SEPTIN2: variants seen among roughly 807,000 people sequenced by gnomAD.
SEPTIN2 encodes septin-2.
In SEPTIN2, 34 loss-of-function variants were observed where a neutral mutation model predicts 46.5. The observed-to-expected ratio is 0.73, with a 90% CI of 0.56 to 0.97. The LOEUF is 0.97. Ranked by LOEUF, SEPTIN2 falls within the 50% of genes least tolerant of loss-of-function variation. The pLI, the probability that SEPTIN2 is intolerant of heterozygous loss-of-function variation, is 0.00. For missense variants in SEPTIN2, 347 were observed against 448.4 expected, an observed-to-expected ratio of 0.77 and a Z score of 2.04; for synonymous variants, 175 against 153.4, an observed-to-expected ratio of 1.14 and a Z score of -1.04.
At chr2:241,334,993 G>A in intron 3 of SEPTIN2, 133 bp from the exon 4 acceptor site, 1 of 636,648 alleles carries the variant, frequency 1.6e-6, no homozygotes, top group South Asian at 1.9e-5. Flanking sequence ...AAACATAGTA[G>A]TACTGTAGGT....
rs1303638833 is a variant in SEPTIN2, at chr2:241,321,087, C to CT, written c.-17-3121dup. Among the ~76,000 whole-genome samples the CT allele has an allele frequency of 1.4e-4, 21 of 151,826 alleles. No homozygotes were observed. In the South Asian group the frequency reaches 3.8e-3, roughly 27 times the overall value. ...AAATGTTTTTCAAATTTTGTTTAGG[C>CT]TTTTTTTTATGGTAGATACATGACT... On this transcript the variant is annotated intron_variant, in intron 1 of 12. Transcript: ENST00000391971.
chr2:241,338,811 T>TTTATATTATTTATATATAATATATA (rs2080665762), intron 7 of SEPTIN2, among the ~76,000 whole-genome samples: 1 of 108,792 alleles, frequency 9.2e-6, no homozygotes, highest in Non-Finnish European at 1.7e-5. Context: ...ACATATTATA[T>TTTATATTATTTATATATAATATATA]TTATATTATT....
At chr2:241,322,947 G>GA (rs921775297) in intron 1 of SEPTIN2, among the ~76,000 whole-genome samples, 2 of 151,782 alleles carry the variant, frequency 1.3e-5, no homozygotes, top group African/African-American at 2.4e-5. Flanking sequence ...AGTCAGTACT[G>GA]AAAAAAAATT....
intron 1 of SEPTIN2, chr2:241,317,125 G>A (rs2076448126): frequency 6.6e-6 from 1 of 152,200 alleles, no homozygotes; most frequent in Admixed American, 6.5e-5. Flanking sequence ...AAAACATCAT[G>A]GTGTAGGGGT....
At chr2:241,317,708 C>T (rs372813909) in intron 1 of SEPTIN2, 5 of 234,556 alleles carry the variant, frequency 2.1e-5, no homozygotes, top group Non-Finnish European at 3.5e-5. Context: ...GGACCTTCCC[C>T]GAATCCAAAG....
intron 3 of SEPTIN2, among the ~76,000 whole-genome samples, chr2:241,334,607 G>A (rs2079594576): frequency 6.6e-6 from 1 of 152,172 alleles, no homozygotes; most frequent in South Asian, 2.1e-4. Context: ...GGCAGAAGGG[G>A]GAGGTTGCAG....
chr2:241,343,199 G>C, intron 8 of SEPTIN2, 106 bp downstream of exon 8: 1 of 714,724 alleles, frequency 1.4e-6, no homozygotes, highest in Non-Finnish European at 2.4e-6. Flanking sequence ...GAGTATTTTT[G>C]CTTTCAATAT....
At chr2:241,331,015 T>C (rs1385285297) in intron 3 of SEPTIN2, among the ~76,000 whole-genome samples, 6 of 152,108 alleles carry the variant, frequency 3.9e-5, no homozygotes, top group Non-Finnish European at 7.4e-5. Context: ...TTAGTACTTT[T>C]GTAAAGTACT....
At position 241,346,243 on chromosome 2, in the gene SEPTIN2, G is replaced by A; in HGVS notation, c.920G>A (p.Gly307Asp). ...ENFRSERLKR[G>D]GRKVENEDMN... ...TTCCGTTCTGAGAGACTCAAGAGAG[G>A]CGGCAGGTCATCACACTGTGCCCCT... is the stretch of plus-strand genomic sequence containing the variant. The change falls in exon 10 of 13, where the codon GGC becomes GAC. Residue 307 changes from glycine (G) to aspartate (D), a missense_variant. Gly to Asp is a moderately conservative substitution (Grantham distance 94). Transcript: ENST00000391971. The A allele has an allele frequency of 6.2e-7, 1 of 1,613,668 alleles. No homozygotes were observed. Among genetic ancestry groups the A allele is most frequent in the South Asian group, 1.1e-5 (1 of 91,050 alleles).
intron 3 of SEPTIN2, among the ~76,000 whole-genome samples, chr2:241,329,944 T>C (rs1400666492): frequency 6.6e-6 from 1 of 152,244 alleles, no homozygotes; most frequent in Admixed American, 6.5e-5. Context: ...TTGTGCGAGC[T>C]AAGAACATAA....
chr2:241,336,040 C>G lies in SEPTIN2; in HGVS notation c.283C>G (p.Leu95Val). 6.2e-7 allele frequency: 1 copy of G among 1,614,172 alleles called. No homozygotes were observed. Among genetic ancestry groups the G allele is most frequent in the South Asian group, 1.1e-5 (1 of 91,086 alleles). Residue 95 changes from leucine to valine, a missense_variant, in exon 5 of 13, where the codon CTA becomes GTA. Physicochemically the swap from Leu to Val is conservative, Grantham distance 32. Coordinates refer to ENST00000391971, the MANE Select transcript of SEPTIN2 (RefSeq NM_004404.5). ...TGAAATTGAAGAGCGAGGGGTCAAG[C>G]TACGCCTGACAGTGGTAGATACCCC... Reference protein sequence around the residue: ...TVEIEERGVKLRLTVVDTPGY... With the variant: ...TVEIEERGVKVRLTVVDTPGY...
chr2:241,317,447 C>T, intron 1 of SEPTIN2: 1 of 720,590 alleles, frequency 1.4e-6, no homozygotes. Flanking sequence ...CCAGGGTTTC[C>T]CTCTATCATT....
At chr2:241,319,931 G>A (rs2076902654) in intron 1 of SEPTIN2, among the ~76,000 whole-genome samples, 1 of 152,162 alleles carries the variant, frequency 6.6e-6, no homozygotes, top group Non-Finnish European at 1.5e-5. Flanking sequence ...ATTGGTTGCT[G>A]AATTTCATAT....
intron 7 of SEPTIN2, among the ~76,000 whole-genome samples, chr2:241,339,897 A>G (rs1487389357): frequency 6.6e-6 from 1 of 152,158 alleles, no homozygotes; most frequent in East Asian, 1.9e-4. Context: ...CCCTGACCCC[A>G]GGTCCTGAGA....
chr2:241,323,933 A>T (rs1311491161), intron 1 of SEPTIN2, among the ~76,000 whole-genome samples: 1 of 152,354 alleles, frequency 6.6e-6, no homozygotes, highest in East Asian at 1.9e-4. Flanking sequence ...CCAGTCATTT[A>T]GTCTAGTTTT....
At position 241,326,059 on chromosome 2, in the gene SEPTIN2, C is replaced by T; in HGVS notation, c.76C>T (p.Gln26Ter). The change falls in exon 3 of 13, where the codon CAA becomes TAA. Residue 26 changes from glutamine to a stop codon, truncating the protein, a stop_gained. Transcript: ENST00000391971. LOFTEE classifies it high-confidence loss of function. ...TGTTGGATTTGCAAACCTCCCCAAT[C>T]AAGTTCACCGAAAATCAGTGAAAAA... ...GYVGFANLPN[Q>*]VHRKSVKKGF... The T allele has an allele frequency of 6.2e-7, 1 of 1,613,856 alleles. No individual in the cohort carries two copies. The highest frequency in any genetic ancestry group is 8.5e-7 in the Non-Finnish European group (1 of 1,179,828).
chr2:241,338,859 A>T (rs1278948267), intron 7 of SEPTIN2, among the ~76,000 whole-genome samples: 540 of 27,484 alleles, frequency 0.02, 5 homozygotes, highest in African/African-American at 0.051. Flanking sequence ...AATATATATA[A>T]AAATATATAT....
In SEPTIN2 at chr2:241,335,158, A is replaced by G. The variant is rs2079731375; in HGVS notation, c.163A>G (p.Asn55Asp). Residue 55 changes from asparagine (N) to aspartate (D), a missense_variant, in exon 4 of 13, where the codon AAC (asparagine) becomes GAC (aspartate). Coordinates refer to ENST00000391971, the MANE Select transcript of SEPTIN2 (RefSeq NM_004404.5). Reference sequence around the variant, plus strand: ...AGGTCTAGGAAAATCGACTCTCATAAACAGCCTATTCCTAACTGATCTGTA... The same window carrying G: ...AGGTCTAGGAAAATCGACTCTCATAGACAGCCTATTCCTAACTGATCTGTA... ...ESGLGKSTLINSLFLTDLYPE... is the reference protein window; with the variant it reads ...ESGLGKSTLIDSLFLTDLYPE... 2 of 1,613,904 alleles carry G rather than the reference A, an allele frequency of 1.2e-6. No individual in the cohort carries two copies. The highest frequency in any genetic ancestry group is 1.7e-6 in the Non-Finnish European group (2 of 1,179,844).
intron 3 of SEPTIN2, 28 bp downstream of exon 3, chr2:241,326,141 T>G (rs769984943): frequency 1.9e-6 from 3 of 1,590,960 alleles, no homozygotes; most frequent in South Asian, 2.3e-5. Context: ...AGTCTCCAAC[T>G]TACTAAATAA....
Sources: allele counts gnomAD v4.1 joint callset (sites outside exome capture counted in the v4.1 genomes callset), GRCh38; gene constraint gnomAD v4.1.1; transcripts MANE v1.5; gene names NCBI Gene and HGNC (gene_info 2026-07-23, HGNC 2026-07-21).